Variants in CRIM1 observed in about 807,000 individuals in gnomAD.
The protein encoded by CRIM1 is cysteine-rich motor neuron 1 protein.
Under a neutral mutation model 116.4 loss-of-function variants are expected in CRIM1, and 32 were observed. That is an observed-to-expected ratio of 0.27 (90% CI 0.21 to 0.37). CRIM1 has a LOEUF of 0.37. CRIM1 is among the 10% of genes least tolerant of loss of function. The probability of loss-of-function intolerance (pLI) is 1.00; values close to 1 mark genes in which losing one functional copy is unlikely to be tolerated. For synonymous variants in CRIM1, 590 were observed against 509.2 expected (o/e 1.16, Z -2.13); for missense variants, 1,331 against 1,354.8 (o/e 0.98, Z 0.28).
In CRIM1 at chr2:36,476,955, A is replaced by C; in HGVS notation, c.1058A>C (p.Asn353Thr). 1.2e-6 allele frequency: 2 copies of C among 1,614,136 alleles called. No homozygotes were observed. Among genetic ancestry groups the C allele is most frequent in the Non-Finnish European group, 1.7e-6 (2 of 1,179,946 alleles). ...GATGGAGACATGTTTCGAATGGACA[A>C]CTGTCGGTTCTGTCGATGCCAAGGG... ...YYDGDMFRMD[N>T]CRFCRCQGGV... The change falls in exon 6 of 17, where the codon AAC becomes ACC. Residue 353 changes from asparagine to threonine, a missense_variant. By Grantham distance (65) the Asn-to-Thr change is moderately conservative. Transcript: ENST00000280527.
chr2:36,442,215 T>G (rs1675895020), intron 3 of CRIM1, among the ~76,000 whole-genome samples: 1 of 152,140 alleles, frequency 6.6e-6, no homozygotes, highest in East Asian at 1.9e-4. Context: ...GGCCAGTTGT[T>G]TTTTTGTTTG....
At chr2:36,506,786 C>G (rs1424958530) in intron 8 of CRIM1, among the ~76,000 whole-genome samples, 1 of 152,088 alleles carries the variant, frequency 6.6e-6, no homozygotes, top group Non-Finnish European at 1.5e-5. Flanking sequence ...TGTACTAAAG[C>G]TTTACAAACA....
intron 5 of CRIM1, among the ~76,000 whole-genome samples, chr2:36,466,062 A>G (rs1166115033): frequency 1.7e-5 from 2 of 115,152 alleles, no homozygotes; most frequent in African/African-American, 3.0e-5. Flanking sequence ...ATTTTTTTGT[A>G]TTTTTAGTAG....
intron 1 of CRIM1, chr2:36,378,816 T>G (rs1163865473): frequency 6.6e-6 from 1 of 151,340 alleles, no homozygotes; most frequent in Admixed American, 6.5e-5. Flanking sequence ...GTTTTTTTTT[T>G]TTTTTTTTTT....
chr2:36,393,227 T>G (rs1671755872), intron 1 of CRIM1, among the ~76,000 whole-genome samples: 1 of 152,146 alleles, frequency 6.6e-6, no homozygotes, highest in African/African-American at 2.4e-5. Context: ...TGATGCCTAG[T>G]GAGAAATGTG....
At chr2:36,491,628 A>G (rs1680233964) in intron 7 of CRIM1, among the ~76,000 whole-genome samples, 1 of 152,202 alleles carries the variant, frequency 6.6e-6, no homozygotes. Flanking sequence ...GAGCAGTTCT[A>G]TAGACCAAAC....
intron 4 of CRIM1, among the ~76,000 whole-genome samples, chr2:36,457,709 C>G (rs1197077099): frequency 2.0e-5 from 3 of 151,794 alleles, no homozygotes; most frequent in African/African-American, 4.8e-5. Flanking sequence ...GGGTTGGACC[C>G]TCAGATAGGA....
intron 8 of CRIM1, among the ~76,000 whole-genome samples, chr2:36,503,958 C>T (rs1681196255): frequency 1.3e-5 from 2 of 152,062 alleles, no homozygotes. Flanking sequence ...GCAGCCTCAA[C>T]CTCCCAGGCT....
intron 1 of CRIM1, among the ~76,000 whole-genome samples, chr2:36,362,864 C>T (rs981036492): frequency 2.6e-5 from 4 of 152,056 alleles, no homozygotes; most frequent in South Asian, 2.1e-4. Context: ...GTTAATTCCC[C>T]ACATGAAAAT....
intron 4 of CRIM1, among the ~76,000 whole-genome samples, chr2:36,454,551 T>A (rs573476409): frequency 3.6e-4 from 55 of 152,316 alleles, no homozygotes; most frequent in Non-Finnish European, 6.2e-4. Context: ...CTTAACAGCT[T>A]GAGTATCAGC....
intron 4 of CRIM1, among the ~76,000 whole-genome samples, chr2:36,451,715 G>T (rs1676738998): frequency 6.6e-6 from 1 of 152,158 alleles, no homozygotes; most frequent in African/African-American, 2.4e-5. Flanking sequence ...CCTTTAGGAG[G>T]GTGTTGGGAG....
chr2:36,449,276 T>C lies in CRIM1; in HGVS notation c.869+6541T>C, dbSNP rs576905971. Among the ~76,000 whole-genome samples the C allele has an allele frequency of 1.3e-3, 194 of 152,124 alleles. 1 individual carries two copies. Among genetic ancestry groups the C allele is most frequent in the African/African-American group, 4.3e-3 (180 of 41,504 alleles). Reference sequence around the variant, plus strand: ...AGGGAGCATTGTGGAGCTGGAAGGGTCCTAGCCGGTGCACATCAGCGGAAC... The same window carrying C: ...AGGGAGCATTGTGGAGCTGGAAGGGCCCTAGCCGGTGCACATCAGCGGAAC... On this transcript the variant is annotated intron_variant, in intron 4 of 16. Coordinates refer to ENST00000280527, the MANE Select transcript of CRIM1 (RefSeq NM_016441.3).
intron 5 of CRIM1, among the ~76,000 whole-genome samples, chr2:36,469,268 G>A (rs1423435995): frequency 2.0e-5 from 3 of 152,174 alleles, no homozygotes; most frequent in African/African-American, 7.2e-5. Flanking sequence ...AGGGGGTTAT[G>A]AAGTAAGTTC....
At chr2:36,544,908 C>T (rs1667211631) in intron 15 of CRIM1, among the ~76,000 whole-genome samples, 2 of 152,130 alleles carry the variant, frequency 1.3e-5, no homozygotes, top group African/African-American at 4.8e-5. Flanking sequence ...CATTAGGTTA[C>T]CCTCTACTTC....
chr2:36,396,582 C>A (rs764769787), intron 1 of CRIM1, 32 bp from the exon 2 acceptor site: 25 of 1,476,458 alleles, frequency 1.7e-5, no homozygotes, highest in Non-Finnish European at 2.2e-5. Context: ...AAGCTGCAAA[C>A]ACACATTATC....
At chr2:36,464,436 G>A (rs1450377466) in intron 4 of CRIM1, 98 bp from the exon 5 acceptor site, 1 of 1,276,114 alleles carries the variant, frequency 7.8e-7, no homozygotes, top group African/African-American at 1.5e-5. Context: ...GTATAGACCA[G>A]GTACTTTGCC....
chr2:36,437,991 A>G (rs975893950), intron 2 of CRIM1, among the ~76,000 whole-genome samples: 1 of 152,006 alleles, frequency 6.6e-6, no homozygotes, highest in Non-Finnish European at 1.5e-5. Context: ...AATTAGCTGG[A>G]TGTGGTGGCA....
intron 12 of CRIM1, among the ~76,000 whole-genome samples, chr2:36,521,327 G>T (rs187479697): frequency 1.3e-5 from 2 of 152,096 alleles, no homozygotes; most frequent in Non-Finnish European, 2.9e-5. Flanking sequence ...TTATCTTTCA[G>T]TCATTAATGT....
In CRIM1 at chr2:36,424,951, C is replaced by T. The variant is rs530156482; in HGVS notation, c.506-16307C>T. ...TCCTCTATTCTCTCTTCTTGGAGTG[C>T]AGAGAACCTTAGGATTCATATGCTA... On this transcript the variant is annotated intron_variant, in intron 2 of 16. Transcript: ENST00000280527. Among the ~76,000 whole-genome samples, 12 of 152,236 alleles carry T rather than the reference C, an allele frequency of 7.9e-5. 1 individual carries two copies. In the South Asian group the frequency reaches 2.5e-3, roughly 32 times the overall value.
Sources: allele counts gnomAD v4.1 joint callset (sites outside exome capture counted in the v4.1 genomes callset), GRCh38; gene constraint gnomAD v4.1.1; transcripts MANE v1.5; gene names NCBI Gene and HGNC (gene_info 2026-07-23, HGNC 2026-07-21).